Variants in FARS2 observed in about 807,000 individuals in gnomAD.
FARS2 encodes phenylalanyl-tRNA synthetase 2, mitochondrial.
Under a neutral mutation model 46.4 loss-of-function variants are expected in FARS2, and 40 were observed. The ratio of observed to expected loss-of-function variants is 0.86; its 90% confidence interval spans 0.67 to 1.12. FARS2 has a LOEUF of 1.12. FARS2 is among the 50% of genes most tolerant of loss of function. The pLI, the probability that FARS2 is intolerant of heterozygous loss-of-function variation, is 0.00. For missense variants in FARS2, 513 were observed against 567.9 expected (o/e 0.90, Z 0.98); for synonymous variants, 234 against 214.9 (o/e 1.09, Z -0.78).
intron 6 of FARS2, among the ~76,000 whole-genome samples, chr6:5,672,866 A>G (rs558890215): frequency 3.8e-4 from 58 of 152,292 alleles, no homozygotes; most frequent in African/African-American, 1.4e-3. Context: ...CCTTTGGATT[A>G]GAAACGCCTT....
At chr6:5,281,154 A>G (rs1466944887) in intron 1 of FARS2, among the ~76,000 whole-genome samples, 2 of 152,208 alleles carry the variant, frequency 1.3e-5, no homozygotes, top group African/African-American at 4.8e-5. Flanking sequence ...TGTATTGGTC[A>G]TAGAGTCTAA....
chr6:5,679,404 G>A (rs1477982616), intron 6 of FARS2, among the ~76,000 whole-genome samples: 1 of 152,026 alleles, frequency 6.6e-6, no homozygotes, highest in Non-Finnish European at 1.5e-5. Flanking sequence ...AAGCCCTACT[G>A]CACTGGCCTG....
chr6:5,692,146 G>A (rs546773950), intron 6 of FARS2, among the ~76,000 whole-genome samples: 15 of 152,308 alleles, frequency 9.8e-5, no homozygotes, highest in East Asian at 9.6e-4. Flanking sequence ...CGGGTGAGGC[G>A]ATACCTTCCG....
intron 6 of FARS2, among the ~76,000 whole-genome samples, chr6:5,699,964 C>T (rs1758318582): frequency 6.6e-6 from 1 of 152,150 alleles, no homozygotes; most frequent in Non-Finnish European, 1.5e-5. Flanking sequence ...TAGTGTGGCT[C>T]CCAAACCTTC....
chr6:5,473,041 G>A (rs565615946), intron 4 of FARS2, among the ~76,000 whole-genome samples: 1 of 152,130 alleles, frequency 6.6e-6, no homozygotes, highest in Non-Finnish European at 1.5e-5. Flanking sequence ...ATGTTCATAC[G>A]TGGAATTATT....
intron 1 of FARS2, among the ~76,000 whole-genome samples, chr6:5,368,015 G>A (rs935603832): frequency 7.2e-5 from 11 of 152,176 alleles, no homozygotes; most frequent in Admixed American, 3.3e-4. Context: ...GTTATGCTAT[G>A]TCAAAGATAA....
At chr6:5,664,855 T>C (rs10484316) in intron 6 of FARS2, 143,096 of 152,272 alleles carry the variant, frequency 0.94, 67,339 homozygotes, top group East Asian at 1. Flanking sequence ...TGTTCCTGCT[T>C]CTTAACTTGT....
rs1173025387 is a variant in FARS2 at position 5,661,776 on chromosome 6, GAAGAAAAGAAGAGAGACAAGGCCA to G, written c.1217+48457_1217+48480del. Among the ~76,000 whole-genome samples, 987 of 148,420 alleles carry G rather than the reference GAAGAAAAGAAGAGAGACAAGGCCA, an allele frequency of 6.7e-3. 6 individuals carry two copies. The highest frequency in any genetic ancestry group is 0.013 in the South Asian group (64 of 4,822). ...AAATGGAGACAGTAAGTAGACAACT[GAAGAAAAGAAGAGAGACAAGGCCA>G]TGCTTGGAAAGGTTGTGTGCAGTAA... On this transcript the variant is annotated intron_variant, in intron 6 of 6. Coordinates refer to ENST00000274680, the MANE Select transcript of FARS2 (RefSeq NM_006567.5).
At chr6:5,289,528 A>AAGT (rs1767358269) in intron 1 of FARS2, among the ~76,000 whole-genome samples, 1 of 152,216 alleles carries the variant, frequency 6.6e-6, no homozygotes, top group Non-Finnish European at 1.5e-5. Flanking sequence ...TGTGTAAATG[A>AAGT]AGTAGTGGTC....
intron 4 of FARS2, among the ~76,000 whole-genome samples, chr6:5,459,396 G>A (rs1025843028): frequency 6.7e-6 from 1 of 150,308 alleles, no homozygotes; most frequent in African/African-American, 2.4e-5. Context: ...TTTGACCCTA[G>A]TATACTGGGA....
chr6:5,495,008 C>G (rs886886638), intron 4 of FARS2, among the ~76,000 whole-genome samples: 2 of 152,158 alleles, frequency 1.3e-5, no homozygotes, highest in Non-Finnish European at 2.9e-5. Flanking sequence ...CAGAATACAC[C>G]TCCTAAAATG....
At chr6:5,504,153 A>G (rs965678043) in intron 4 of FARS2, among the ~76,000 whole-genome samples, 2 of 152,220 alleles carry the variant, frequency 1.3e-5, no homozygotes, top group African/African-American at 4.8e-5. Context: ...TCAAAATTGT[A>G]TAATTTTTCC....
intron 5 of FARS2, among the ~76,000 whole-genome samples, chr6:5,576,457 G>C (rs113729043): frequency 2.6e-5 from 4 of 151,816 alleles, no homozygotes; most frequent in Non-Finnish European, 5.9e-5. Context: ...TTTGGCACTC[G>C]TACTGGCTTT....
chr6:5,591,869 T>G (rs1412663998), intron 5 of FARS2, among the ~76,000 whole-genome samples: 4 of 152,232 alleles, frequency 2.6e-5, no homozygotes, highest in Non-Finnish European at 5.9e-5. Flanking sequence ...CCATACTTAC[T>G]TCCCCATCAC....
chr6:5,703,797 G>A (rs1758579890), intron 6 of FARS2, among the ~76,000 whole-genome samples: 1 of 152,204 alleles, frequency 6.6e-6, no homozygotes, highest in Admixed American at 6.5e-5. Context: ...AGTCCGTCCT[G>A]TATCCCAGAG....
intron 6 of FARS2, among the ~76,000 whole-genome samples, chr6:5,745,389 T>C (rs899583060): frequency 2.0e-5 from 3 of 152,272 alleles, no homozygotes; most frequent in Admixed American, 6.5e-5. Context: ...TTTCCATTTG[T>C]CAGGAGATAT....
chr6:5,657,304 G>C (rs1777647816), intron 6 of FARS2, among the ~76,000 whole-genome samples: 1 of 152,134 alleles, frequency 6.6e-6, no homozygotes, highest in African/African-American at 2.4e-5. Flanking sequence ...CTAAACGAGG[G>C]CCTGTGAGTT....
rs141443829 is a variant in FARS2 at position 5,750,080 on chromosome 6, G to C, written c.1218-21211G>C. On this transcript the variant is annotated intron_variant, in intron 6 of 6. Transcript: ENST00000274680. ...ATGCATGTGAAAGTGAAGAAAGGCA[G>C]AGTCCCTGCCCTCTCCGAGTTAGTG... 1.6e-4 allele frequency among the ~76,000 whole-genome samples: 25 copies of C among 152,336 alleles called. No homozygotes were observed. The East Asian group carries it at 4.8e-3, about 29-fold the overall frequency.
Position 5,489,164 on chromosome 6 carries a change from GAC to G in FARS2, c.905-56014_905-56013del, listed in dbSNP as rs756498256. On this transcript the variant is annotated intron_variant, in intron 4 of 6. Coordinates refer to ENST00000274680, the MANE Select transcript of FARS2 (RefSeq NM_006567.5). ...GCAGGGGTATTTCAGTTTAAAATAG[GAC>G]AGTCAGGCTGGGTGCGGTGGCTCAC... 4.6e-5 allele frequency among the ~76,000 whole-genome samples: 7 copies of G among 152,232 alleles called. No individual in the cohort carries two copies. In the East Asian group the frequency reaches 5.8e-4, roughly 13 times the overall value.
Sources: gnomAD v4.1 joint callset for allele counts (sites outside exome capture counted in the v4.1 genomes callset) on GRCh38, gnomAD v4.1.1 for gene constraint, MANE v1.5 for transcripts, NCBI Gene and HGNC (gene_info 2026-07-23, HGNC 2026-07-21) for gene names.